MPP7: variants seen among roughly 807,000 people sequenced by gnomAD.
The protein encoded by MPP7 is MAGUK p55 subfamily member 7.
In MPP7, 60 loss-of-function variants were observed where a neutral mutation model predicts 76.5. The ratio of observed to expected loss-of-function variants is 0.78; its 90% confidence interval spans 0.64 to 0.97. MPP7 has a LOEUF of 0.97. Among genes scored for constraint, MPP7 ranks in the 50% least tolerant of loss-of-function variants. The pLI is 0.00. For synonymous variants in MPP7, 237 were observed against 244.5 expected, an observed-to-expected ratio of 0.97 and a Z score of 0.29; for missense variants, 641 against 694.0, an observed-to-expected ratio of 0.92 and a Z score of 0.86.
At chr10:28,175,151 G>A (rs888290300) in intron 3 of MPP7, among the ~76,000 whole-genome samples, 2 of 152,060 alleles carry the variant, frequency 1.3e-5, no homozygotes, top group Non-Finnish European at 2.9e-5. Flanking sequence ...TCAGTTGGGC[G>A]TGGTGATGCG....
At chr10:28,291,357 GC>G (rs1470181328) in intron 1 of MPP7, among the ~76,000 whole-genome samples, 5 of 152,212 alleles carry the variant, frequency 3.3e-5, no homozygotes, top group African/African-American at 1.2e-4. Context: ...TGTAATCCCA[GC>G]ACTTTGGGAG....
chr10:28,219,108 GAAC>G (rs1374917604), intron 2 of MPP7, among the ~76,000 whole-genome samples: 1 of 152,164 alleles, frequency 6.6e-6, no homozygotes, highest in African/African-American at 2.4e-5. Flanking sequence ...ATTTCGTTTA[GAAC>G]AACTTATTTC....
intron 2 of MPP7, among the ~76,000 whole-genome samples, chr10:28,323,128 T>C (rs1023847412): frequency 6.6e-6 from 1 of 151,856 alleles, no homozygotes; most frequent in Non-Finnish European, 1.5e-5. Flanking sequence ...CTACTAAAAA[T>C]ACAAACAATT....
intron 1 of MPP7, among the ~76,000 whole-genome samples, chr10:28,291,781 CAA>C (rs1205237712): frequency 6.6e-6 from 1 of 152,116 alleles, no homozygotes; most frequent in Non-Finnish European, 1.5e-5. Flanking sequence ...TGTGTTATTA[CAA>C]AAGAGTCAAA....
chr10:28,266,512 G>C (rs1488975452), intron 1 of MPP7, among the ~76,000 whole-genome samples: 2 of 152,116 alleles, frequency 1.3e-5, no homozygotes, highest in Non-Finnish European at 2.9e-5. Flanking sequence ...GGAGGCTGCA[G>C]TGAGCTATGA....
intron 2 of MPP7, among the ~76,000 whole-genome samples, chr10:28,231,596 A>G (rs1474949628): frequency 1.3e-5 from 2 of 152,064 alleles, no homozygotes. Flanking sequence ...AAGTAATAAT[A>G]ATACAAATAA....
intron 2 of MPP7, among the ~76,000 whole-genome samples, chr10:28,315,706 A>G (rs1458093443): frequency 1.3e-5 from 2 of 152,206 alleles, no homozygotes; most frequent in Non-Finnish European, 2.9e-5. Context: ...TAAATACTCC[A>G]TCCTCAGAGA....
chr10:28,104,625 C>T (rs941632963), intron 11 of MPP7, among the ~76,000 whole-genome samples: 2 of 152,180 alleles, frequency 1.3e-5, no homozygotes, highest in Admixed American at 1.3e-4. Flanking sequence ...CTTGCTTATT[C>T]TACAAAAGAA....
intron 1 of MPP7, among the ~76,000 whole-genome samples, chr10:28,276,251 G>T (rs530839451): frequency 6.6e-5 from 10 of 151,278 alleles, no homozygotes; most frequent in Admixed American, 2.0e-4. Context: ...GACTGGTCTC[G>T]AACTCCTGAC....
At chr10:28,217,536 A>AG (rs1272302749) in intron 2 of MPP7, among the ~76,000 whole-genome samples, 5 of 147,376 alleles carry the variant, frequency 3.4e-5, no homozygotes, top group African/African-American at 4.9e-5. Context: ...CAAAAAAAAA[A>AG]AAAAAGAAAA....
chr10:28,125,780 T>C (rs1417967329), intron 6 of MPP7, among the ~76,000 whole-genome samples: 9 of 152,154 alleles, frequency 5.9e-5, no homozygotes, highest in Admixed American at 3.3e-4. Context: ...GAACTAAGTA[T>C]TGGCATAAGA....
chr10:28,168,213 C>CTG (rs1246186411), intron 3 of MPP7, among the ~76,000 whole-genome samples: 1 of 152,084 alleles, frequency 6.6e-6, no homozygotes, highest in Non-Finnish European at 1.5e-5. Flanking sequence ...CCAGCCTGGG[C>CTG]AACAGAGTGA....
chr10:28,174,648 C>G (rs1836798382), intron 3 of MPP7, among the ~76,000 whole-genome samples: 1 of 152,184 alleles, frequency 6.6e-6, no homozygotes. Flanking sequence ...CCCCGCAACT[C>G]CATTCTTACA....
At chr10:28,211,203 A>C (rs1010034396) in intron 2 of MPP7, among the ~76,000 whole-genome samples, 1 of 152,076 alleles carries the variant, frequency 6.6e-6, no homozygotes, top group Non-Finnish European at 1.5e-5. Flanking sequence ...GGCTCAAAGG[A>C]CCGTCTCACC....
intron 11 of MPP7, among the ~76,000 whole-genome samples, chr10:28,110,117 G>A (rs1211349741): frequency 6.7e-6 from 1 of 149,748 alleles, no homozygotes; most frequent in Non-Finnish European, 1.5e-5. Context: ...TTGAGATGGA[G>A]TCTCACTCTT....
At chr10:28,306,668 T>TAG (rs55731439), upstream of MPP7, among the ~76,000 whole-genome samples, 137 of 148,414 alleles carry the variant, frequency 9.2e-4, no homozygotes, top group East Asian at 2.0e-3. Context: ...GATAGATAGA[T>TAG]AGAGAGAGAG....
At chr10:28,127,387 T>C (rs887781824) in intron 6 of MPP7, among the ~76,000 whole-genome samples, 3 of 152,176 alleles carry the variant, frequency 2.0e-5, no homozygotes, top group African/African-American at 4.8e-5. Context: ...TTATACAGTA[T>C]GTTAGAGAGT....
chr10:28,262,237 A>T (rs1349795652), intron 1 of MPP7, among the ~76,000 whole-genome samples: 1 of 74,074 alleles, frequency 1.3e-5, no homozygotes, highest in African/African-American at 7.3e-5. Flanking sequence ...ATATATATAT[A>T]TATATACATA....
At position 28,204,489 on chromosome 10, in the gene MPP7, G is replaced by A. The variant is rs114114529; in HGVS notation, c.38-2218C>T. Among the ~76,000 whole-genome samples, 486 of 149,848 alleles carry A rather than the reference G, an allele frequency of 3.2e-3. 4 individuals carry two copies. The highest frequency in any genetic ancestry group is 0.011 in the African/African-American group (458 of 40,840). On this transcript the variant is annotated intron_variant, in intron 2 of 16. Coordinates refer to ENST00000683449, the MANE Select transcript of MPP7 (RefSeq NM_001318170.2). ...CATAGCACTAAATACGCAAACACACGGAGACACACACAAATAAGTGCATAT... is the reference window on the plus strand; with the variant it reads ...CATAGCACTAAATACGCAAACACACAGAGACACACACAAATAAGTGCATAT...
Sources: gnomAD v4.1 joint callset for allele counts (sites outside exome capture counted in the v4.1 genomes callset) on GRCh38, gnomAD v4.1.1 for gene constraint, MANE v1.5 for transcripts, NCBI Gene and HGNC (gene_info 2026-07-23, HGNC 2026-07-21) for gene names.